Variants in AKAP14 observed in about 807,000 individuals in gnomAD.
The protein encoded by AKAP14 is A-kinase anchor protein 14.
A neutral mutation model predicts 17.0 loss-of-function variants in AKAP14; 4 were observed. The observed-to-expected ratio is 0.23, with a 90% CI of 0.12 to 0.54. The LOEUF is 0.54. AKAP14 is among the 20% of genes least tolerant of loss of function. The pLI, the probability that AKAP14 is intolerant of heterozygous loss-of-function variation, is 0.95. For synonymous variants in AKAP14, 42 were observed against 51.3 expected (o/e 0.82, Z 0.77); for missense variants, 129 against 150.9 (o/e 0.85, Z 0.76).
At chrX:119,918,244 T>TG (rs1244317526) in intron 5 of AKAP14, among the ~76,000 whole-genome samples, 9 of 111,819 alleles carry the variant, frequency 8.0e-5, no homozygotes, top group Admixed American at 2.9e-4. Flanking sequence ...TGTTTTGTTT[T>TG]TTTTTTAGAT....
chrX:119,919,328 G>T (rs1490765092), intron 5 of AKAP14, among the ~76,000 whole-genome samples: 2 of 112,191 alleles, frequency 1.8e-5, no homozygotes, highest in East Asian at 5.5e-4. Context: ...TGTAAAGAAG[G>T]TTAATGACTT....
At chrX:119,902,643 A>G (rs1350997981) in intron 2 of AKAP14, among the ~76,000 whole-genome samples, 1 of 111,924 alleles carries the variant, frequency 8.9e-6, no homozygotes, top group Non-Finnish European at 1.9e-5. Flanking sequence ...AAGAAGTGCT[A>G]CTTTTTTTCT....
intron 5 of AKAP14, among the ~76,000 whole-genome samples, chrX:119,916,372 A>G (rs2056656636): frequency 9.1e-6 from 1 of 109,461 alleles, no homozygotes; most frequent in Non-Finnish European, 1.9e-5. Context: ...GAGCCACCAC[A>G]CCCAGCTGTA....
chrX:119,902,018 TCAAACAAA>T (rs201439791), intron 2 of AKAP14, among the ~76,000 whole-genome samples: 1 of 107,893 alleles, frequency 9.3e-6, no homozygotes, highest in African/African-American at 3.4e-5. Flanking sequence ...AAACTCTGAC[TCAAACAAA>T]CAAACAAACA....
chrX:119,906,455 G>A (rs1441658900), intron 4 of AKAP14, among the ~76,000 whole-genome samples: 3 of 108,513 alleles, frequency 2.8e-5, no homozygotes, highest in South Asian at 8.0e-4. Context: ...GGATGGTCTC[G>A]ATCTTCTGAC....
chrX:119,914,219 C>G (rs1220795717), intron 4 of AKAP14, among the ~76,000 whole-genome samples: 5 of 96,246 alleles, frequency 5.2e-5, no homozygotes, highest in African/African-American at 1.9e-4. Context: ...GCCTGGGCAA[C>G]AGAGAGAGAC....
chrX:119,904,157 C>T (rs989575490), intron 4 of AKAP14, among the ~76,000 whole-genome samples: 1 of 110,903 alleles, frequency 9.0e-6, no homozygotes, highest in African/African-American at 3.3e-5. Context: ...AGGTTGGCCT[C>T]GAACTCCTGG....
chrX:119,901,710 A>G (rs1450795933), intron 2 of AKAP14, among the ~76,000 whole-genome samples: 1 of 99,444 alleles, frequency 1.0e-5, no homozygotes, highest in Non-Finnish European at 2.0e-5. Flanking sequence ...TGTCTCAAAA[A>G]AAAAAAAAAC....
Position 119,919,902 on chromosome X carries a change from C to T in AKAP14, c.442-9C>T, listed in dbSNP as rs2056679335. The stretch of plus-strand genomic sequence containing the variant: ...GGTCTGGGCTAACAGTTGTCCTTCT[C>T]TTTTTTAGGATGCACCCATTGTTGT... On this transcript the variant is annotated splice_polypyrimidine_tract_variant and intron_variant, in intron 5 of 6. Transcript: ENST00000371431. 3 of 1,208,848 alleles carry T rather than the reference C, an allele frequency of 2.5e-6. No homozygotes were observed. The Admixed American group carries it at 6.5e-5, about 26-fold the overall frequency.
chrX:119,900,729 G>A (rs965799115), intron 2 of AKAP14, among the ~76,000 whole-genome samples: 2 of 110,960 alleles, frequency 1.8e-5, no homozygotes, highest in Non-Finnish European at 3.8e-5. Context: ...TAGAGATGGG[G>A]CCTTGCTATG....
Position 119,920,490 on chromosome X carries a change from G to A in AKAP14, c.495-18G>A. 8.6e-7 allele frequency: 1 copy of A among 1,164,588 alleles called. No individual in the cohort carries two copies. The highest frequency in any genetic ancestry group is 1.2e-6 in the Non-Finnish European group (1 of 858,229). On this transcript the variant is annotated intron_variant, in intron 6 of 6. Coordinates refer to ENST00000371431, the MANE Select transcript of AKAP14 (RefSeq NM_178813.6). ...ATTTAAAAATACTTTAAAAGTGTTT[G>A]TTTTTCTTCCTTTGTAGACCAGGAA...
chrX:119,910,828 A>G (rs1396216571), intron 4 of AKAP14, among the ~76,000 whole-genome samples: 3 of 108,152 alleles, frequency 2.8e-5, no homozygotes, highest in African/African-American at 6.7e-5. Flanking sequence ...ACGCTGGGCT[A>G]ATTTTGTATT....
intron 2 of AKAP14, among the ~76,000 whole-genome samples, chrX:119,899,910 A>G (rs181508219): frequency 9.0e-6 from 1 of 111,649 alleles, no homozygotes; most frequent in East Asian, 2.8e-4. Flanking sequence ...CTTCCACTCA[A>G]TGGAAGGATT....
chrX:119,903,774 G>A (rs2056582220), intron 4 of AKAP14, 188 bp downstream of exon 4: 8 of 780,108 alleles, frequency 1.0e-5, no homozygotes, highest in Non-Finnish European at 1.5e-5. Context: ...AAGGTGAAAT[G>A]CACAATCACA....
chrX:119,903,171 T>C, intron 2 of AKAP14, 43 bp from the exon 3 acceptor site: 1 of 1,142,542 alleles, frequency 8.8e-7, no homozygotes, highest in Admixed American at 2.4e-5. Flanking sequence ...CGTTCACATG[T>C]GTGTACACAC....
chrX:119,914,382 G>A (rs1043460697), intron 4 of AKAP14, among the ~76,000 whole-genome samples: 14 of 110,998 alleles, frequency 1.3e-4, no homozygotes, highest in Non-Finnish European at 1.7e-4. Context: ...GTGTAGTGGT[G>A]CGATCACAGC....
In AKAP14 at chrX:119,912,809, C is replaced by A. The variant is rs762911813; in HGVS notation, c.262-1890C>A. 7.1e-4 allele frequency among the ~76,000 whole-genome samples: 79 copies of A among 111,484 alleles called. 1 individual carries two copies. The highest frequency in any genetic ancestry group is 1.3e-3 in the Non-Finnish European group (67 of 53,112). ...ATCAAAATCCACGTGCGCTCAAGTC[C>A]CTTAGTCGTCCCCCCATCCATGGAT... On this transcript the variant is annotated intron_variant, in intron 4 of 6. Transcript: ENST00000371431.
rs12387889 is a variant in AKAP14, at chrX:119,908,389, C to G, written c.261+4803C>G. Among the ~76,000 whole-genome samples the G allele has an allele frequency of 5.1e-3, 561 of 110,132 alleles. 4 individuals are homozygous for G. Among genetic ancestry groups the G allele is most frequent in the African/African-American group, 0.017 (525 of 30,356 alleles). On this transcript the variant is annotated intron_variant, in intron 4 of 6. Transcript: ENST00000371431. ...AGTTGGTTCATTCTCTTCAGGAACA[C>G]AGTCTGGCAACAGGAATATACAAAT...
chrX:119,903,708 G>T, intron 4 of AKAP14, 122 bp downstream of exon 4: 1 of 1,121,451 alleles, frequency 8.9e-7, no homozygotes. Context: ...GGGCTGACTA[G>T]AATAAGTAAA....
Sources: allele counts gnomAD v4.1 joint callset (sites outside exome capture counted in the v4.1 genomes callset), GRCh38; gene constraint gnomAD v4.1.1; transcripts MANE v1.5; gene names NCBI Gene and HGNC (gene_info 2026-07-23, HGNC 2026-07-21).